Variants in PALM2AKAP2 observed in about 807,000 individuals in gnomAD.
The protein encoded by PALM2AKAP2 is PALM2-AKAP2 fusion protein.
In PALM2AKAP2, 37 loss-of-function variants were observed where a neutral mutation model predicts 71.5. That is an observed-to-expected ratio of 0.52 (90% CI 0.40 to 0.68). PALM2AKAP2 has a LOEUF of 0.68. PALM2AKAP2 is among the 30% of genes least tolerant of loss of function. The probability of loss-of-function intolerance (pLI) is 0.00; values close to 1 mark genes in which losing one functional copy is unlikely to be tolerated. For synonymous variants in PALM2AKAP2, 468 were observed against 478.8 expected (o/e 0.98, Z 0.29); for missense variants, 1,224 against 1,191.8 (o/e 1.03, Z -0.40).
At chr9:109,723,065 C>A (rs1587882585) in intron 1 of PALM2AKAP2, among the ~76,000 whole-genome samples, 1 of 152,326 alleles carries the variant, frequency 6.6e-6, no homozygotes. Context: ...ATACTCTCAA[C>A]TTAGCCTTTT....
chr9:110,072,740 C>T (rs74322849), intron 1 of PALM2AKAP2, among the ~76,000 whole-genome samples: 2,523 of 152,234 alleles, frequency 0.017, 68 homozygotes, highest in African/African-American at 0.058. Context: ...CAAATGCAGC[C>T]GCATGCCCAC....
chr9:109,691,159 C>T (rs1403491252), intron 1 of PALM2AKAP2, among the ~76,000 whole-genome samples: 1 of 130,436 alleles, frequency 7.7e-6, no homozygotes, highest in East Asian at 2.2e-4. Context: ...ACCAATGTTG[C>T]ATTACTTTGA....
chr9:109,778,137 T>C (rs1313912947), upstream of PALM2AKAP2, among the ~76,000 whole-genome samples: 1 of 152,250 alleles, frequency 6.6e-6, no homozygotes, highest in African/African-American at 2.4e-5. Flanking sequence ...ACTGTTGTGC[T>C]CAATCATACC....
chr9:110,082,423 G>T (rs1834470433), intron 1 of PALM2AKAP2, among the ~76,000 whole-genome samples: 1 of 152,102 alleles, frequency 6.6e-6, no homozygotes, highest in Admixed American at 6.5e-5. Context: ...ATCTGATATG[G>T]TATAAAAATC....
At chr9:109,666,198 C>T (rs1827482225) in intron 1 of PALM2AKAP2, among the ~76,000 whole-genome samples, 1 of 152,188 alleles carries the variant, frequency 6.6e-6, no homozygotes, top group Non-Finnish European at 1.5e-5. Context: ...GCTGCATCCA[C>T]TCTCCAACCA....
chr9:109,659,142 AT>A (rs59068219), intron 1 of PALM2AKAP2, among the ~76,000 whole-genome samples: 1 of 152,094 alleles, frequency 6.6e-6, no homozygotes, highest in African/African-American at 2.4e-5. Flanking sequence ...ATGTAATGGG[AT>A]TTTTTTGTGT....
intron 1 of PALM2AKAP2, among the ~76,000 whole-genome samples, chr9:109,771,607 A>G (rs1014392288): frequency 1.3e-5 from 2 of 152,216 alleles, no homozygotes; most frequent in Non-Finnish European, 2.9e-5. Flanking sequence ...TACCTGTTCT[A>G]CAGAAAGGTC....
intron 1 of PALM2AKAP2, among the ~76,000 whole-genome samples, chr9:109,677,140 T>C (rs929079593): frequency 5.3e-5 from 8 of 152,084 alleles, no homozygotes; most frequent in Non-Finnish European, 8.8e-5. Flanking sequence ...CTTGAATACA[T>C]TTATATTTTT....
intron 6 of PALM2AKAP2, among the ~76,000 whole-genome samples, chr9:109,967,366 C>T: frequency 6.6e-6 from 1 of 152,094 alleles, no homozygotes; most frequent in East Asian, 1.9e-4. Flanking sequence ...AAGCAAGGCA[C>T]TAAGGCCAGC....
chr9:110,144,147 C>T (rs976984389), intron 2 of PALM2AKAP2, among the ~76,000 whole-genome samples: 5 of 152,212 alleles, frequency 3.3e-5, no homozygotes, highest in Admixed American at 6.5e-5. Flanking sequence ...GGCACAGTTT[C>T]ATTTGAGGTG....
intron 1 of PALM2AKAP2, among the ~76,000 whole-genome samples, chr9:109,645,919 C>T (rs1264546194): frequency 6.6e-6 from 1 of 151,968 alleles, no homozygotes; most frequent in African/African-American, 2.4e-5. Context: ...ATAAAATTTA[C>T]AAAAGGTCTA....
upstream of PALM2AKAP2, among the ~76,000 whole-genome samples, chr9:109,775,764 T>C (rs920296944): frequency 6.6e-6 from 1 of 152,238 alleles, no homozygotes; most frequent in Non-Finnish European, 1.5e-5. Context: ...GCAAGTCATT[T>C]CCCTTTTGGT....
intron 1 of PALM2AKAP2, among the ~76,000 whole-genome samples, chr9:109,860,267 C>T (rs1829276314): frequency 1.3e-5 from 2 of 152,162 alleles, no homozygotes; most frequent in African/African-American, 2.4e-5. Context: ...TTTTTCCCCT[C>T]AGATGTATAA....
At chr9:109,974,643 C>G (rs1832136246) in intron 6 of PALM2AKAP2, among the ~76,000 whole-genome samples, 1 of 152,276 alleles carries the variant, frequency 6.6e-6, no homozygotes, top group South Asian at 2.1e-4. Flanking sequence ...AAAAAATCCC[C>G]TGCAATGGTT....
intron 3 of PALM2AKAP2, among the ~76,000 whole-genome samples, chr9:109,902,252 A>G (rs1405246935): frequency 6.6e-6 from 1 of 152,212 alleles, no homozygotes; most frequent in African/African-American, 2.4e-5. Flanking sequence ...TCAAGTTAAT[A>G]TATGTAAAGT....
intron 7 of PALM2AKAP2, among the ~76,000 whole-genome samples, chr9:110,035,386 T>TGTATAATACATATTATATAC (rs1564271405): frequency 2.2e-4 from 32 of 145,770 alleles, no homozygotes; most frequent in African/African-American, 8.0e-4. Context: ...ATATATTATA[T>TGTATAATACATATTATATAC]GTATAATACA....
At chr9:109,934,915 T>G (rs1037046688) in intron 6 of PALM2AKAP2, among the ~76,000 whole-genome samples, 7 of 152,252 alleles carry the variant, frequency 4.6e-5, no homozygotes, top group Admixed American at 4.6e-4. Flanking sequence ...TATGCACTTT[T>G]CTGTCCTTTG....
intron 1 of PALM2AKAP2, among the ~76,000 whole-genome samples, chr9:110,063,239 C>A (rs1834002738): frequency 6.6e-6 from 1 of 152,132 alleles, no homozygotes; most frequent in African/African-American, 2.4e-5. Context: ...GCAAATAAAT[C>A]TAAAATGATT....
chr9:110,042,289 G>T (rs905611950), intron 7 of PALM2AKAP2, among the ~76,000 whole-genome samples: 1 of 152,174 alleles, frequency 6.6e-6, no homozygotes, highest in Non-Finnish European at 1.5e-5. Flanking sequence ...AGCTGGGCAT[G>T]GTGGTGTGTG....
Sources: allele counts gnomAD v4.1 joint callset (sites outside exome capture counted in the v4.1 genomes callset), GRCh38; gene constraint gnomAD v4.1.1; transcripts MANE v1.5; gene names NCBI Gene and HGNC (gene_info 2026-07-23, HGNC 2026-07-21).